The following EPB41L4B variants were observed in gnomAD, a reference collection of about 807,000 sequenced individuals.
EPB41L4B encodes the protein band 4.1-like protein 4B.
A neutral mutation model predicts 112.5 loss-of-function variants in EPB41L4B; 30 were observed. That is an observed-to-expected ratio of 0.27 (90% CI 0.20 to 0.36). The LOEUF is 0.36. Ranked by LOEUF, EPB41L4B falls within the 10% of genes least tolerant of loss-of-function variation. EPB41L4B has a pLI of 1.00. For missense variants in EPB41L4B, 1,024 were observed against 1,133.3 expected, an observed-to-expected ratio of 0.90 and a Z score of 1.38; for synonymous variants, 408 against 439.7, an observed-to-expected ratio of 0.93 and a Z score of 0.90.
chr9:109,231,897 G>A (rs1358080415), intron 15 of EPB41L4B, among the ~76,000 whole-genome samples: 1 of 151,086 alleles, frequency 6.6e-6, no homozygotes, highest in Non-Finnish European at 1.5e-5. Flanking sequence ...TCATGACCAA[G>A]TTTATTCAAT....
chr9:109,316,612 G>C (rs1002747178), intron 1 of EPB41L4B, among the ~76,000 whole-genome samples: 10 of 152,308 alleles, frequency 6.6e-5, no homozygotes, highest in Admixed American at 4.6e-4. Context: ...TCGAAGGCAG[G>C]GCCAGGGTTT....
At chr9:109,266,133 T>C (rs1398937216) in intron 4 of EPB41L4B, among the ~76,000 whole-genome samples, 1 of 152,192 alleles carries the variant, frequency 6.6e-6, no homozygotes, top group Non-Finnish European at 1.5e-5. Context: ...TGGCCAGAAC[T>C]CTTGATTCCT....
intron 4 of EPB41L4B, 117 bp downstream of exon 4, chr9:109,267,356 C>G (rs1564306751): frequency 1.6e-6 from 1 of 640,150 alleles, no homozygotes; most frequent in Non-Finnish European, 2.8e-6. Context: ...ACTAATAACT[C>G]TTGCTGAGAA....
intron 14 of EPB41L4B, among the ~76,000 whole-genome samples, chr9:109,247,173 G>GTTT (rs555846521): frequency 3.9e-5 from 5 of 129,194 alleles, no homozygotes; most frequent in African/African-American, 8.5e-5. Flanking sequence ...CTCAAGACTA[G>GTTT]TTTTTTTTTT....
chr9:109,218,336 A>G (rs7020116), intron 15 of EPB41L4B, among the ~76,000 whole-genome samples: 27,364 of 151,568 alleles, frequency 0.18, 2,635 homozygotes, highest in Middle Eastern at 0.28. Context: ...ATGTTGGCCA[A>G]GCTGGTTTCA....
intron 2 of EPB41L4B, among the ~76,000 whole-genome samples, chr9:109,278,510 T>C (rs769172223): frequency 1.3e-5 from 2 of 152,150 alleles, no homozygotes; most frequent in Non-Finnish European, 2.9e-5. Flanking sequence ...CTTACAAATG[T>C]CACATGTCAC....
At chr9:109,200,773 T>A (rs79658687) in intron 19 of EPB41L4B, among the ~76,000 whole-genome samples, 11,335 of 151,046 alleles carry the variant, frequency 0.075, 618 homozygotes, top group Middle Eastern at 0.11. Flanking sequence ...CAGACTATAT[T>A]TTTTTTTTAA....
intron 20 of EPB41L4B, among the ~76,000 whole-genome samples, chr9:109,197,349 G>A (rs563439276): frequency 5.3e-5 from 8 of 152,280 alleles, no homozygotes; most frequent in Admixed American, 2.6e-4. Context: ...CTTGAACCTA[G>A]GGGGCGGAGG....
In EPB41L4B at chr9:109,320,485, G is replaced by GCCGCTA. The variant is rs1837832212; in HGVS notation, c.-40_-39insTAGCGG. 2 of 766,052 alleles carry GCCGCTA rather than the reference G, an allele frequency of 2.6e-6. No homozygotes were observed. The highest frequency in any genetic ancestry group is 1.1e-4 in the South Asian group (2 of 18,280). 47.5% of individuals were successfully genotyped at this position (766,052 alleles called of 1,614,324 possible). A position where few individuals can be genotyped will look rare whatever the true frequency, so the allele number is the denominator to read the frequency against. On this transcript the variant is annotated 5_prime_UTR_variant, in exon 1 of 26. Coordinates refer to ENST00000374566, the MANE Select transcript of EPB41L4B (RefSeq NM_019114.5). ...GCCCCCTGCCTCCGCCCCCTGCGCT[G>GCCGCTA]CCGCTGCCGCTGCCGCTGCCGCTGC...
At chr9:109,296,511 C>T (rs1439758680) in intron 1 of EPB41L4B, among the ~76,000 whole-genome samples, 1 of 152,138 alleles carries the variant, frequency 6.6e-6, no homozygotes, top group African/African-American at 2.4e-5. Flanking sequence ...ATGAATTTAA[C>T]AGGGTTTGGC....
chr9:109,297,582 G>A (rs1312239341), intron 1 of EPB41L4B, among the ~76,000 whole-genome samples: 2 of 152,190 alleles, frequency 1.3e-5, no homozygotes, highest in East Asian at 1.9e-4. Flanking sequence ...GCTGTCCACC[G>A]GCAAAGCCAG....
At chr9:109,216,589 C>A (rs553101572) in intron 16 of EPB41L4B, among the ~76,000 whole-genome samples, 3 of 148,806 alleles carry the variant, frequency 2.0e-5, no homozygotes, top group African/African-American at 7.4e-5. Context: ...TGCAATGAGC[C>A]GAGATCATGC....
At chr9:109,241,697 T>A in intron 15 of EPB41L4B, 1 of 1,614,192 alleles carries the variant, frequency 6.2e-7, no homozygotes, top group Admixed American at 1.7e-5. Context: ...CGATACATCA[T>A]ACTTTGCATC....
At chr9:109,205,169 G>T (rs766252851) in intron 18 of EPB41L4B, among the ~76,000 whole-genome samples, 65 of 152,204 alleles carry the variant, frequency 4.3e-4, no homozygotes, top group Non-Finnish European at 6.9e-4. Context: ...AGCATTTCCA[G>T]AATTATCAGG....
chr9:109,260,410 CTTT>C (rs35040371), intron 6 of EPB41L4B, among the ~76,000 whole-genome samples: 6 of 102,492 alleles, frequency 5.9e-5, no homozygotes, highest in African/African-American at 1.1e-4. Flanking sequence ...TCAATTGTAT[CTTT>C]TTTTTTTTTT....
intron 24 of EPB41L4B, among the ~76,000 whole-genome samples, chr9:109,177,477 A>G (rs899475132): frequency 6.6e-5 from 10 of 152,208 alleles, no homozygotes; most frequent in Non-Finnish European, 1.0e-4. Context: ...CATTTTCATT[A>G]TATAGCAAAC....
rs188416945 is a variant in EPB41L4B at position 109,218,445 on chromosome 9, C to T, written c.1410-1300G>A. ...CCAGCCTAACACTAATAATTCTTAA[C>T]CACTTTAAGACAGAAACCCCTTTGA... is the stretch of plus-strand genomic sequence containing the variant. On this transcript the variant is annotated intron_variant, in intron 15 of 25. Coordinates refer to ENST00000374566, the MANE Select transcript of EPB41L4B (RefSeq NM_019114.5). Among the ~76,000 whole-genome samples the T allele has an allele frequency of 1.5e-3, 226 of 152,224 alleles. 2 individuals are homozygous for T. Among genetic ancestry groups the T allele is most frequent in the Middle Eastern group, 0.014 (4 of 294 alleles).
intron 1 of EPB41L4B, among the ~76,000 whole-genome samples, chr9:109,291,402 C>G (rs1049074892): frequency 3.9e-5 from 6 of 152,126 alleles, no homozygotes; most frequent in African/African-American, 1.4e-4. Context: ...ACAGATCTCA[C>G]GGTGGGGAGG....
chr9:109,180,164 T>C (rs1052209809), intron 24 of EPB41L4B, among the ~76,000 whole-genome samples: 1 of 152,214 alleles, frequency 6.6e-6, no homozygotes, highest in African/African-American at 2.4e-5. Flanking sequence ...GAATGTGTGA[T>C]GACCCCGCCC....
Sources: gnomAD v4.1 joint callset for allele counts (sites outside exome capture counted in the v4.1 genomes callset) on GRCh38, gnomAD v4.1.1 for gene constraint, MANE v1.5 for transcripts, NCBI Gene and HGNC (gene_info 2026-07-23, HGNC 2026-07-21) for gene names.